Variants in SCEL observed in about 807,000 individuals in gnomAD.
SCEL encodes sciellin.
Under a neutral mutation model 117.6 loss-of-function variants are expected in SCEL, and 113 were observed. The ratio of observed to expected loss-of-function variants is 0.96; its 90% CI spans 0.83 to 1.12. The LOEUF is 1.12. Among genes scored for constraint, SCEL ranks in the 50% most tolerant of loss-of-function variants. The pLI, the probability that SCEL is intolerant of heterozygous loss-of-function variation, is 0.00. For synonymous variants in SCEL, 270 were observed against 256.2 expected (o/e 1.05, Z -0.51); for missense variants, 785 against 810.8 (o/e 0.97, Z 0.39).
At chr13:77,605,384 A>G (rs2154402169) in intron 19 of SCEL, among the ~76,000 whole-genome samples, 1 of 152,262 alleles carries the variant, frequency 6.6e-6, no homozygotes, top group Non-Finnish European at 1.5e-5. Context: ...CAAGCTTGCA[A>G]CCCATAGAAG....
At chr13:77,598,890 C>T (rs1280833836) in intron 13 of SCEL, among the ~76,000 whole-genome samples, 1 of 152,106 alleles carries the variant, frequency 6.6e-6, no homozygotes, top group African/African-American at 2.4e-5. Context: ...CCATGTTGCC[C>T]AGGTTGGTCT....
intron 1 of SCEL, among the ~76,000 whole-genome samples, chr13:77,553,138 A>T (rs1307939787): frequency 6.6e-6 from 1 of 152,154 alleles, no homozygotes; most frequent in African/African-American, 2.4e-5. Context: ...TCAACATACG[A>T]ATTTTGGAGG....
At chr13:77,596,683 G>A (rs952681977) in intron 12 of SCEL, among the ~76,000 whole-genome samples, 1 of 123,682 alleles carries the variant, frequency 8.1e-6, no homozygotes, top group African/African-American at 3.1e-5. Context: ...AGAGAGGTGG[G>A]GCAAGGTGTG....
In SCEL at chr13:77,604,472, A is replaced by G. The variant is rs1018078548; in HGVS notation, c.1157+57A>G. 28 of 1,377,382 alleles carry G rather than the reference A, an allele frequency of 2.0e-5. No individual in the cohort carries two copies. The Admixed American group carries it at 6.9e-4, about 34-fold the overall frequency. 85.3% of individuals were successfully genotyped at this position (1,377,382 alleles called of 1,614,324 possible). On this transcript the variant is annotated intron_variant, in intron 19 of 32. Transcript: ENST00000349847. ...GTTTGGCATTTAGAAGGACGTTAGA[A>G]TTCTGAGTGTTGGTATTCAGGACAG...
chr13:77,606,101 T>C (rs911239608), intron 19 of SCEL, among the ~76,000 whole-genome samples: 25 of 152,246 alleles, frequency 1.6e-4, no homozygotes, highest in African/African-American at 6.0e-4. Context: ...TTTTTGTGCA[T>C]GTGTGCATTC....
intron 5 of SCEL, among the ~76,000 whole-genome samples, chr13:77,564,406 T>C (rs901894486): frequency 5.3e-5 from 8 of 152,246 alleles, no homozygotes; most frequent in East Asian, 1.9e-4. Context: ...GGAGTCTCCA[T>C]AGGGCTGATA....
rs2090315745 is a variant in SCEL, at chr13:77,637,120, T to C, written c.1764T>C (p.Ser588=). Residue 588 remains serine (S), a splice_region_variant and synonymous_variant, in exon 30 of 33, where the codon AGT becomes AGC. Transcript: ENST00000349847. ...VVYTRTYVEN[S]KSPKDGYQEN... Reference sequence around the variant, plus strand: ...ACATGTCCATATATTTTGTTCCTAGTAAATCACCCAAGGATGGATATCAGG... The same window carrying C: ...ACATGTCCATATATTTTGTTCCTAGCAAATCACCCAAGGATGGATATCAGG... 2 of 1,522,316 alleles carry C rather than the reference T, an allele frequency of 1.3e-6. No homozygotes were observed. Among genetic ancestry groups the C allele is most frequent in the Non-Finnish European group, 1.8e-6 (2 of 1,120,152 alleles). 94.3% of individuals were successfully genotyped at this position (1,522,316 alleles called of 1,614,324 possible).
intron 32 of SCEL, among the ~76,000 whole-genome samples, chr13:77,643,676 A>G (rs1207128878): frequency 6.6e-6 from 1 of 152,164 alleles, no homozygotes; most frequent in East Asian, 1.9e-4. Flanking sequence ...TGTGATATTA[A>G]TGAGCTACTG....
At chr13:77,602,373 G>A (rs1293744040) in intron 16 of SCEL, 2 of 491,834 alleles carry the variant, frequency 4.1e-6, no homozygotes, top group Admixed American at 7.3e-5. Context: ...AAATAATTAA[G>A]AGATGAGTCA....
rs142848236 is a variant in SCEL, at chr13:77,593,559, G to A, written c.738G>A (p.Gln246=). The change falls in exon 12 of 33, where the codon CAG becomes CAA. Residue 246 remains glutamine, a synonymous_variant. Coordinates refer to ENST00000349847, the MANE Select transcript of SCEL (RefSeq NM_144777.3). The stretch of plus-strand genomic sequence containing the variant: ...TCGTCAAAGTGGCCACTTCACTTCA[G>A]AGAAGTGACAAAGGGTGAGATCTCA... ...DNIVKVATSL[Q]RSDKGEELDN... 6.4e-5 allele frequency: 104 copies of A among 1,612,744 alleles called. No individual in the cohort carries two copies. The African/African-American group carries it at 9.3e-4, about 14-fold the overall frequency.
In SCEL at chr13:77,577,205, A is replaced by G. The variant is rs563471284; in HGVS notation, c.545+5016A>G. 1.2e-4 allele frequency among the ~76,000 whole-genome samples: 19 copies of G among 152,282 alleles called. No individual in the cohort carries two copies. In the South Asian group the frequency reaches 3.7e-3, roughly 30 times the overall value. ...AGAACTGGTGAGAAAGGGCATGGCC[A>G]TGTGTATTACTCTGTTGCCACACTG... is the stretch of plus-strand genomic sequence containing the variant. On this transcript the variant is annotated intron_variant, in intron 9 of 32. Coordinates refer to ENST00000349847, the MANE Select transcript of SCEL (RefSeq NM_144777.3).
At chr13:77,552,157 G>A (rs1370799413) in intron 1 of SCEL, among the ~76,000 whole-genome samples, 10 of 151,864 alleles carry the variant, frequency 6.6e-5, no homozygotes, top group African/African-American at 9.7e-5. Context: ...ATAAACATAC[G>A]TGTGCATGTG....
At chr13:77,582,549 CA>C (rs1032528940) in intron 9 of SCEL, among the ~76,000 whole-genome samples, 16 of 152,222 alleles carry the variant, frequency 1.1e-4, no homozygotes, top group African/African-American at 3.9e-4. Flanking sequence ...ATCATTTGCT[CA>C]TTTTATTCCT....
At chr13:77,548,693 C>T (rs112173958) in intron 1 of SCEL, among the ~76,000 whole-genome samples, 1 of 152,114 alleles carries the variant, frequency 6.6e-6, no homozygotes, top group Non-Finnish European at 1.5e-5. Context: ...CCATACTGTT[C>T]TCAAGATAGT....
At chr13:77,586,866 GT>G (rs2086594946) in intron 9 of SCEL, among the ~76,000 whole-genome samples, 1 of 152,072 alleles carries the variant, frequency 6.6e-6, no homozygotes, top group South Asian at 2.1e-4. Flanking sequence ...GTGCTTCAGT[GT>G]TTTAATCTGT....
Position 77,617,989 on chromosome 13 carries a change from C to T in SCEL, c.1572-15C>T, listed in dbSNP as rs773780591. The T allele has an allele frequency of 2.5e-6, 4 of 1,612,600 alleles. No homozygotes were observed. In the Admixed American group the frequency reaches 6.7e-5, roughly 27 times the overall value. On this transcript the variant is annotated splice_polypyrimidine_tract_variant and intron_variant, in intron 26 of 32. Transcript: ENST00000349847. The stretch of plus-strand genomic sequence containing the variant: ...ATTACCAATCTGAACTTTTTTCTCT[C>T]TCTCTTTTAAACAGCCAAGACTTGG...
chr13:77,594,120 A>G (rs982904648), intron 12 of SCEL, among the ~76,000 whole-genome samples: 2 of 152,132 alleles, frequency 1.3e-5, no homozygotes, highest in African/African-American at 2.4e-5. Flanking sequence ...TGACTCCTTC[A>G]CAGATTATTA....
intron 19 of SCEL, among the ~76,000 whole-genome samples, chr13:77,605,333 A>C (rs991036364): frequency 6.6e-6 from 1 of 152,168 alleles, no homozygotes; most frequent in African/African-American, 2.4e-5. Context: ...TAGGTGTGGC[A>C]TGGTCAGAGG....
chr13:77,548,113 A>G (rs1302264573), intron 1 of SCEL, among the ~76,000 whole-genome samples: 2 of 152,250 alleles, frequency 1.3e-5, no homozygotes, highest in African/African-American at 2.4e-5. Context: ...AGGAAAGTTC[A>G]AACAATAATA....
Sources: allele counts gnomAD v4.1 joint callset (sites outside exome capture counted in the v4.1 genomes callset), GRCh38; gene constraint gnomAD v4.1.1; transcripts MANE v1.5; gene names NCBI Gene and HGNC (gene_info 2026-07-23, HGNC 2026-07-21).